The following KCNU1 variants were observed in gnomAD, a reference collection of about 807,000 sequenced individuals.
The protein encoded by KCNU1 is potassium channel subfamily U member 1.
KCNU1 carries 93 observed loss-of-function variants against 126.8 expected under a neutral mutation model. That is an observed-to-expected ratio of 0.73 (90% CI 0.62 to 0.87). The LOEUF (loss-of-function observed/expected upper bound fraction) is 0.87. KCNU1 is among the 40% of genes least tolerant of loss of function. The probability of loss-of-function intolerance (pLI) is 0.00; values close to 1 mark genes in which losing one functional copy is unlikely to be tolerated. For synonymous variants in KCNU1, 523 were observed against 494.2 expected, an observed-to-expected ratio of 1.06 and a Z score of -0.77; for missense variants, 1,330 against 1,367.1, an observed-to-expected ratio of 0.97 and a Z score of 0.43.
chr8:36,851,966 G>A (rs1298087471), intron 18 of KCNU1, among the ~76,000 whole-genome samples: 2 of 152,062 alleles, frequency 1.3e-5, no homozygotes, highest in African/African-American at 4.8e-5. Flanking sequence ...ACCATAGGGG[G>A]AAGGCATTCA....
At chr8:36,852,382 A>G (rs1217983474) in intron 18 of KCNU1, among the ~76,000 whole-genome samples, 1 of 152,136 alleles carries the variant, frequency 6.6e-6, no homozygotes, top group Non-Finnish European at 1.5e-5. Context: ...AACTCACCCC[A>G]TAGAATGAAT....
intron 19 of KCNU1, among the ~76,000 whole-genome samples, chr8:36,901,093 G>A (rs890547176): frequency 9.2e-5 from 14 of 152,008 alleles, no homozygotes; most frequent in African/African-American, 3.4e-4. Flanking sequence ...GAATTGTAGA[G>A]GCTTTTTGAA....
At chr8:36,858,673 C>T (rs150716789) in intron 18 of KCNU1, among the ~76,000 whole-genome samples, 309 of 152,244 alleles carry the variant, frequency 2.0e-3, no homozygotes, top group African/African-American at 7.1e-3. Context: ...TTTTAGCTGA[C>T]TTTTATGACT....
At chr8:36,786,101 T>G (rs1802701244) in intron 1 of KCNU1, among the ~76,000 whole-genome samples, 1 of 151,280 alleles carries the variant, frequency 6.6e-6, no homozygotes, top group African/African-American at 2.4e-5. Flanking sequence ...TTTGGAGAAG[T>G]TGGACAAATG....
chr8:36,817,885 CA>C, intron 10 of KCNU1, 125 bp downstream of exon 10: 1 of 544,110 alleles, frequency 1.8e-6, no homozygotes, highest in Non-Finnish European at 3.3e-6. Context: ...ATAAACAAAA[CA>C]AAAAAGAAAA....
At chr8:36,826,825 TA>T (rs567234843) in intron 10 of KCNU1, among the ~76,000 whole-genome samples, 325 of 152,344 alleles carry the variant, frequency 2.1e-3, no homozygotes, top group African/African-American at 7.5e-3. Context: ...ATCACCCAGG[TA>T]TTAACCCCAG....
intron 19 of KCNU1, among the ~76,000 whole-genome samples, chr8:36,873,079 C>A (rs534419262): frequency 6.6e-6 from 1 of 152,088 alleles, no homozygotes; most frequent in Non-Finnish European, 1.5e-5. Flanking sequence ...AATTCCATCT[C>A]AAAAAATAAA....
intron 19 of KCNU1, among the ~76,000 whole-genome samples, chr8:36,892,133 T>C (rs1317194098): frequency 3.9e-5 from 6 of 152,106 alleles, no homozygotes; most frequent in South Asian, 4.1e-4. Context: ...CTGAAGCTTC[T>C]GTGTATATTT....
chr8:36,878,952 T>C (rs1033731666), intron 19 of KCNU1, among the ~76,000 whole-genome samples: 2 of 147,676 alleles, frequency 1.4e-5, no homozygotes, highest in African/African-American at 4.9e-5. Context: ...ATTTTATATA[T>C]AGGAAAATTC....
At chr8:36,929,948 T>C (rs1410751804) in intron 24 of KCNU1, among the ~76,000 whole-genome samples, 2 of 152,160 alleles carry the variant, frequency 1.3e-5, no homozygotes, top group African/African-American at 4.8e-5. Context: ...AAGAGGTTCC[T>C]ATGATAATCC....
At chr8:36,871,797 A>G (rs1387072995) in intron 19 of KCNU1, among the ~76,000 whole-genome samples, 3 of 152,166 alleles carry the variant, frequency 2.0e-5, no homozygotes, top group Admixed American at 2.0e-4. Context: ...GGGATGACTG[A>G]TCATTTACTG....
intron 1 of KCNU1, 57 bp downstream of exon 1, chr8:36,784,662 T>G: frequency 2.2e-6 from 3 of 1,335,442 alleles, no homozygotes; most frequent in Non-Finnish European, 3.1e-6. Context: ...TTTGGGGTAG[T>G]TTTGTGTTTA....
intron 19 of KCNU1, among the ~76,000 whole-genome samples, chr8:36,866,587 G>T (rs540938963): frequency 1.3e-5 from 2 of 152,148 alleles, no homozygotes; most frequent in Non-Finnish European, 2.9e-5. Context: ...AACAGTCACA[G>T]ATGAGCACTG....
intron 25 of KCNU1, among the ~76,000 whole-genome samples, chr8:36,932,181 C>T (rs1308683251): frequency 1.3e-5 from 2 of 152,116 alleles, no homozygotes; most frequent in Admixed American, 1.3e-4. Context: ...GAAGCTCCCT[C>T]TTTGTAGTCT....
At chr8:36,816,347 C>CA in intron 9 of KCNU1, among the ~76,000 whole-genome samples, 1 of 151,478 alleles carries the variant, frequency 6.6e-6, no homozygotes, top group East Asian at 1.9e-4. Flanking sequence ...CCATCTAAGA[C>CA]AAAAAGAATG....
intron 19 of KCNU1, among the ~76,000 whole-genome samples, chr8:36,865,541 G>A (rs182787445): frequency 8.2e-4 from 125 of 151,576 alleles, no homozygotes; most frequent in Non-Finnish European, 1.5e-3. Flanking sequence ...TGAGCTGGGA[G>A]GATTGTTTGA....
chr8:36,902,679 G>A (rs773207453), intron 19 of KCNU1, among the ~76,000 whole-genome samples: 2 of 151,984 alleles, frequency 1.3e-5, no homozygotes, highest in South Asian at 2.1e-4. Context: ...GAGGTTCTAC[G>A]GATGAATTAT....
chr8:36,883,410 T>C (rs995992374), intron 19 of KCNU1, among the ~76,000 whole-genome samples: 9 of 152,224 alleles, frequency 5.9e-5, no homozygotes, highest in Non-Finnish European at 1.3e-4. Context: ...TATCATTTAC[T>C]CCTGTTCCCG....
In KCNU1 at chr8:36,905,663, G is replaced by A. The variant is rs151259141; in HGVS notation, c.2010-45G>A. 8.9e-3 allele frequency: 8,979 copies of A among 1,003,986 alleles called. 68 individuals carry two copies. The highest frequency in any genetic ancestry group is 0.012 in the Non-Finnish European group (7,245 of 623,888). The allele number at this position is 1,003,986 out of a possible 1,614,324, so 62.2% of individuals were successfully genotyped here. ...TTTACATCTCGGCTTTGTTACAGAG[G>A]AGCTCCAAATAGTCTCAAACTAACT... On this transcript the variant is annotated intron_variant, in intron 19 of 26. Coordinates refer to ENST00000399881, the MANE Select transcript of KCNU1 (RefSeq NM_001031836.3).
Sources: allele counts gnomAD v4.1 joint callset (sites outside exome capture counted in the v4.1 genomes callset), GRCh38; gene constraint gnomAD v4.1.1; transcripts MANE v1.5; gene names NCBI Gene and HGNC (gene_info 2026-07-23, HGNC 2026-07-21).